PPP6R3: variants seen among roughly 807,000 people sequenced by gnomAD.
PPP6R3 encodes serine/threonine-protein phosphatase 6 regulatory subunit 3.
PPP6R3 carries 38 observed loss-of-function variants against 110.7 expected under a neutral mutation model. The observed-to-expected ratio is 0.34, with a 90% CI of 0.26 to 0.45. PPP6R3 has a LOEUF of 0.45. Among genes scored for constraint, PPP6R3 ranks in the 20% least tolerant of loss-of-function variants. The probability of loss-of-function intolerance (pLI) is 1.00; values close to 1 mark genes in which losing one functional copy is unlikely to be tolerated. For synonymous variants in PPP6R3, 369 were observed against 373.5 expected, an observed-to-expected ratio of 0.99 and a Z score of 0.14; for missense variants, 870 against 1,062.4, an observed-to-expected ratio of 0.82 and a Z score of 2.52.
intron 1 of PPP6R3, among the ~76,000 whole-genome samples, chr11:68,483,558 T>C (rs1370886696): frequency 6.6e-6 from 1 of 151,858 alleles, no homozygotes; most frequent in African/African-American, 2.4e-5. Flanking sequence ...TCTCGGCTCA[T>C]TGTAACCTCC....
intron 4 of PPP6R3, among the ~76,000 whole-genome samples, chr11:68,546,099 A>G (rs1247316491): frequency 6.6e-6 from 1 of 152,228 alleles, no homozygotes; most frequent in Admixed American, 6.5e-5. Context: ...TTATTTTAGA[A>G]AGAGATATTT....
intron 1 of PPP6R3, among the ~76,000 whole-genome samples, chr11:68,487,430 C>G (rs1003476678): frequency 6.6e-6 from 1 of 151,950 alleles, no homozygotes; most frequent in Non-Finnish European, 1.5e-5. Context: ...TTAGCCGGGG[C>G]ATGGTGGCAC....
rs576047823 is a variant in PPP6R3, at chr11:68,501,337, T to C, written c.-157-18164T>C. Among the ~76,000 whole-genome samples the C allele has an allele frequency of 2.0e-5, 3 of 152,326 alleles. No homozygotes were observed. The South Asian group carries it at 6.2e-4, about 32-fold the overall frequency. On this transcript the variant is annotated intron_variant, in intron 1 of 23. Transcript: ENST00000393800. ...ATTGAAGAAGTAGACAAATTATTAG[T>C]ATTATTTTGAGACAGGGTCTCACTC...
chr11:68,575,005 A>T (rs1419892850), intron 13 of PPP6R3, among the ~76,000 whole-genome samples: 1 of 152,238 alleles, frequency 6.6e-6, no homozygotes, highest in African/African-American at 2.4e-5. Context: ...AATGTGCACT[A>T]AAACCACAGT....
chr11:68,576,126 C>G (rs1254638732), intron 14 of PPP6R3, 83 bp downstream of exon 14: 4 of 992,274 alleles, frequency 4.0e-6, no homozygotes, highest in Admixed American at 4.6e-5. Context: ...AAAGATCTTC[C>G]ATTTACCTCA....
chr11:68,595,927 C>A (rs77785804), intron 18 of PPP6R3, among the ~76,000 whole-genome samples, 170 bp from the exon 19 acceptor site: 1 of 152,166 alleles, frequency 6.6e-6, no homozygotes, highest in African/African-American at 2.4e-5. Context: ...TTGGGCAGCA[C>A]GCACGCAAAG....
intron 1 of PPP6R3, among the ~76,000 whole-genome samples, chr11:68,469,155 T>C (rs1185671759): frequency 6.6e-6 from 1 of 152,198 alleles, no homozygotes; most frequent in Non-Finnish European, 1.5e-5. Flanking sequence ...CATCTCTGCT[T>C]TTGTAGTGTG....
At chr11:68,488,616 A>G (rs2098963745) in intron 1 of PPP6R3, 2 of 152,638 alleles carry the variant, frequency 1.3e-5, no homozygotes, top group African/African-American at 4.8e-5. Flanking sequence ...AGCCACTCCA[A>G]GCTTGGGCCC....
At chr11:68,478,735 G>C (rs2153361947) in intron 1 of PPP6R3, among the ~76,000 whole-genome samples, 1 of 128,768 alleles carries the variant, frequency 7.8e-6, no homozygotes, top group Non-Finnish European at 1.6e-5. Flanking sequence ...TCAGCTTACT[G>C]CAACCTCCGC....
At chr11:68,478,647 G>GTTTGTTTTTTTTTT (rs2098860395) in intron 1 of PPP6R3, among the ~76,000 whole-genome samples, 1 of 50,506 alleles carries the variant, frequency 2.0e-5, no homozygotes, top group Non-Finnish European at 3.1e-5. Flanking sequence ...CACTTGGTAA[G>GTTTGTTTTTTTTTT]TTTTTTTTTT....
Position 68,614,467 on chromosome 11 carries a change from T to C in PPP6R3, c.*1350T>C, listed in dbSNP as rs980467220. 5.8e-6 allele frequency: 8 copies of C among 1,371,088 alleles called. No individual in the cohort carries two copies. The highest frequency in any genetic ancestry group is 2.9e-5 in the East Asian group (1 of 34,178). The allele number at this position is 1,371,088 out of a possible 1,614,324, so 84.9% of individuals were successfully genotyped here. On this transcript the variant is annotated 3_prime_UTR_variant, in exon 24 of 24. Transcript: ENST00000393800. ...TTCACGTATTTTTACATCATTTGTT[T>C]TTCCTGACCAGTATTTAAAACCAAA...
At chr11:68,578,978 T>C (rs1052676990) in intron 14 of PPP6R3, among the ~76,000 whole-genome samples, 2 of 152,234 alleles carry the variant, frequency 1.3e-5, no homozygotes, top group Admixed American at 1.3e-4. Context: ...GTACTGACTT[T>C]GAAAAATTTG....
intron 5 of PPP6R3, among the ~76,000 whole-genome samples, chr11:68,549,746 C>G (rs1167612181): frequency 6.6e-6 from 1 of 152,062 alleles, no homozygotes; most frequent in African/African-American, 2.4e-5. Flanking sequence ...AAGTTTAGGA[C>G]CTGTCTGGTT....
intron 22 of PPP6R3, among the ~76,000 whole-genome samples, chr11:68,605,868 C>T (rs943051001): frequency 1.3e-5 from 2 of 152,182 alleles, no homozygotes; most frequent in African/African-American, 2.4e-5. Flanking sequence ...AATGCTATTT[C>T]GTGCTCACCA....
intron 8 of PPP6R3, among the ~76,000 whole-genome samples, chr11:68,559,129 G>T (rs1350900064): frequency 2.0e-5 from 3 of 152,216 alleles, no homozygotes; most frequent in Non-Finnish European, 4.4e-5. Context: ...CCTTCAGGTG[G>T]TGTTTTCCTG....
chr11:68,502,088 G>A (rs746575945), intron 1 of PPP6R3, among the ~76,000 whole-genome samples: 5 of 152,214 alleles, frequency 3.3e-5, no homozygotes, highest in African/African-American at 7.2e-5. Context: ...TGATGGACAT[G>A]GTGCTGGTAC....
rs537542312 is a variant in PPP6R3 at position 68,592,635 on chromosome 11, G to A, written c.1916+929G>A. 5.3e-5 allele frequency among the ~76,000 whole-genome samples: 8 copies of A among 152,232 alleles called. No homozygotes were observed. In the East Asian group the frequency reaches 5.8e-4, roughly 11 times the overall value. On this transcript the variant is annotated intron_variant, in intron 18 of 23. Transcript: ENST00000393800. ...GGGAGTTGAATAAGGCTGTTAGACC[G>A]GGCATCTTTTATTTATTCCTGCTCT...
At position 68,603,505 on chromosome 11, in the gene PPP6R3, G is replaced by T; in HGVS notation, c.2450+13G>T. On this transcript the variant is annotated intron_variant, in intron 22 of 23. Transcript: ENST00000393800. ...CGGTCTTCAAAAGGTAACCAGGGGT[G>T]AGATCCTGCTGGTAGCTTCAGGTTA... 1 of 1,614,054 alleles carries T rather than the reference G, an allele frequency of 6.2e-7. No homozygotes were observed. Among genetic ancestry groups the T allele is most frequent in the South Asian group, 1.1e-5 (1 of 91,058 alleles).
At position 68,573,146 on chromosome 11, in the gene PPP6R3, ATATATAT is replaced by A. The variant is rs1271880557; in HGVS notation, c.1344-962_1344-956del. On this transcript the variant is annotated intron_variant, in intron 12 of 23. Transcript: ENST00000393800. ...TATATATATATATATATATATATAT[ATATATAT>A]AATTTTTTTTTTTTTGAGACGGAGT... 8.7e-4 allele frequency among the ~76,000 whole-genome samples: 73 copies of A among 83,674 alleles called. 1 individual carries two copies. The highest frequency in any genetic ancestry group is 2.7e-3 in the African/African-American group (65 of 23,710). The allele number at this position is 83,674 out of a possible 152,430, so 54.9% of individuals were successfully genotyped here.
Sources: gnomAD v4.1 joint callset for allele counts (sites outside exome capture counted in the v4.1 genomes callset) on GRCh38, gnomAD v4.1.1 for gene constraint, MANE v1.5 for transcripts, NCBI Gene and HGNC (gene_info 2026-07-23, HGNC 2026-07-21) for gene names.